FAF1: variants seen among roughly 807,000 people sequenced by gnomAD.
FAF1 encodes Fas associated factor 1, also known as FAS-associated factor 1.
In FAF1, 25 loss-of-function variants were observed where a neutral mutation model predicts 92.5. The observed-to-expected ratio is 0.27, with a 90% CI of 0.20 to 0.38. The LOEUF is 0.38. FAF1 is among the 10% of genes least tolerant of loss of function. The pLI, the probability that FAF1 is intolerant of heterozygous loss-of-function variation, is 1.00. For synonymous variants in FAF1, 234 were observed against 273.2 expected (o/e 0.86, Z 1.42); for missense variants, 636 against 793.3 (o/e 0.80, Z 2.38).
At chr1:50,541,357 C>A (rs1280503475) in intron 13 of FAF1, among the ~76,000 whole-genome samples, 1 of 152,150 alleles carries the variant, frequency 6.6e-6, no homozygotes, top group African/African-American at 2.4e-5. Flanking sequence ...GTGCCACCAT[C>A]AAAATTCAAA....
intron 1 of FAF1, among the ~76,000 whole-genome samples, chr1:50,893,990 GGACTACT>G (rs1644739261): frequency 6.6e-6 from 1 of 152,040 alleles, no homozygotes; most frequent in Non-Finnish European, 1.5e-5. Context: ...AGACCCATAG[GGACTACT>G]GCCAGGCTAC....
chr1:50,822,150 GA>G (rs1229231671), intron 2 of FAF1, among the ~76,000 whole-genome samples: 1 of 150,798 alleles, frequency 6.6e-6, no homozygotes, highest in Non-Finnish European at 1.5e-5. Context: ...TTTTCCAGGA[GA>G]AAAAAAGAAA....
Position 50,797,069 on chromosome 1 carries a change from G to C in FAF1, c.161+4562C>G, listed in dbSNP as rs1206006181. ...GAGGATCAATTGAGTCAGGGAGGTA[G>C]AGGTTGCAGTGAGCTGAGATCATGC... On this transcript the variant is annotated intron_variant, in intron 3 of 18. Transcript: ENST00000396153. Among the ~76,000 whole-genome samples, 3 of 152,114 alleles carry C rather than the reference G, an allele frequency of 2.0e-5. No individual in the cohort carries two copies. The East Asian group carries it at 5.8e-4, about 29-fold the overall frequency.
chr1:50,472,399 AC>A (rs1646585972), intron 18 of FAF1, among the ~76,000 whole-genome samples: 1 of 150,918 alleles, frequency 6.6e-6, no homozygotes, highest in Non-Finnish European at 1.5e-5. Context: ...ACACACACAC[AC>A]ACACACACAC....
chr1:50,612,294 G>C, intron 8 of FAF1: 1 of 1,068,092 alleles, frequency 9.4e-7, no homozygotes. Context: ...AGAGAATCAA[G>C]ACGAAATCTT....
At chr1:50,826,295 A>G (rs1403691090) in intron 2 of FAF1, among the ~76,000 whole-genome samples, 1 of 152,116 alleles carries the variant, frequency 6.6e-6, no homozygotes, top group Non-Finnish European at 1.5e-5. Context: ...TCATGCCTGT[A>G]ATCCCAGCAC....
chr1:50,714,361 A>C (rs940555863), intron 6 of FAF1, among the ~76,000 whole-genome samples: 3 of 151,436 alleles, frequency 2.0e-5, no homozygotes, highest in Admixed American at 1.3e-4. Context: ...AAAAAAAAAA[A>C]AATTAGCTAG....
intron 18 of FAF1, among the ~76,000 whole-genome samples, chr1:50,457,865 C>T (rs1240188852): frequency 1.7e-5 from 1 of 59,452 alleles, no homozygotes; most frequent in Admixed American, 2.0e-4. Context: ...ACCCTGTCTC[C>T]AAAAAAAAAA....
intron 7 of FAF1, among the ~76,000 whole-genome samples, chr1:50,677,602 A>G (rs1202404114): frequency 6.6e-6 from 1 of 152,210 alleles, no homozygotes; most frequent in Non-Finnish European, 1.5e-5. Flanking sequence ...AGTTTTAAAA[A>G]TATGAATTGG....
intron 8 of FAF1, among the ~76,000 whole-genome samples, chr1:50,599,864 G>A (rs1046070081): frequency 1.3e-5 from 2 of 152,132 alleles, no homozygotes; most frequent in Non-Finnish European, 2.9e-5. Context: ...GGGACCAGAG[G>A]TGTTTCAGAC....
At chr1:50,656,356 A>G (rs993474490) in intron 7 of FAF1, among the ~76,000 whole-genome samples, 58 of 151,794 alleles carry the variant, frequency 3.8e-4, no homozygotes, top group African/African-American at 1.3e-3. Flanking sequence ...AAAAAAAAAA[A>G]AAAAGTAGCA....
At chr1:50,564,271 C>A (rs908730717) in intron 13 of FAF1, among the ~76,000 whole-genome samples, 6 of 152,032 alleles carry the variant, frequency 3.9e-5, no homozygotes, top group Non-Finnish European at 7.4e-5. Context: ...AAATGGCTTA[C>A]AGGTCCAGGA....
At chr1:50,460,067 T>C (rs1407463747) in intron 18 of FAF1, among the ~76,000 whole-genome samples, 1 of 152,268 alleles carries the variant, frequency 6.6e-6, no homozygotes, top group African/African-American at 2.4e-5. Context: ...TTCACTACCA[T>C]GTCCCAAATG....
chr1:50,584,884 TAAC>T (rs1261369981), intron 9 of FAF1, 73 bp from the exon 10 acceptor site: 2 of 1,349,894 alleles, frequency 1.5e-6, no homozygotes, highest in Non-Finnish European at 2.1e-6. Flanking sequence ...GTTATAATAA[TAAC>T]AACAGGACAT....
intron 2 of FAF1, among the ~76,000 whole-genome samples, chr1:50,853,710 A>C (rs1413533065): frequency 6.6e-6 from 1 of 152,082 alleles, no homozygotes; most frequent in Non-Finnish European, 1.5e-5. Context: ...GCTACAGATT[A>C]TTGGAAATTT....
chr1:50,959,077 T>C (rs545943875), intron 1 of FAF1, among the ~76,000 whole-genome samples: 1 of 152,332 alleles, frequency 6.6e-6, no homozygotes, highest in Admixed American at 6.5e-5. Flanking sequence ...TTTAAAGTAT[T>C]CCTGGAGAAA....
intron 1 of FAF1, among the ~76,000 whole-genome samples, chr1:50,896,492 C>T (rs1644758859): frequency 6.6e-6 from 1 of 152,008 alleles, no homozygotes; most frequent in African/African-American, 2.4e-5. Flanking sequence ...TTCACTGCAG[C>T]AATATTCATA....
chr1:50,496,889 CAA>C (rs35287623), intron 15 of FAF1, among the ~76,000 whole-genome samples: 55 of 134,278 alleles, frequency 4.1e-4, no homozygotes, highest in Admixed American at 8.4e-4. Context: ...AACTCCATCT[CAA>C]AAAAAAAAAA....
chr1:50,445,399 G>A (rs576713365), intron 18 of FAF1, among the ~76,000 whole-genome samples: 33 of 152,298 alleles, frequency 2.2e-4, no homozygotes, highest in Non-Finnish European at 4.4e-4. Context: ...TAAGGGCAGA[G>A]CCAGGCTGTG....
Sources: gnomAD v4.1 joint callset for allele counts (sites outside exome capture counted in the v4.1 genomes callset) on GRCh38, gnomAD v4.1.1 for gene constraint, MANE v1.5 for transcripts, NCBI Gene and HGNC (gene_info 2026-07-23, HGNC 2026-07-21) for gene names.